Variants in KCNK1 observed in about 807,000 individuals in gnomAD.
The protein encoded by KCNK1 is potassium two pore domain channel subfamily K member 1, also known as potassium channel subfamily K member 1.
Under a neutral mutation model 22.2 loss-of-function variants are expected in KCNK1, and 10 were observed. The observed-to-expected ratio is 0.45, with a 90% CI of 0.28 to 0.76. The LOEUF is 0.76. KCNK1 is among the 30% of genes least tolerant of loss of function. The probability of loss-of-function intolerance (pLI) is 0.14; values close to 1 mark genes in which losing one functional copy is unlikely to be tolerated. For synonymous variants in KCNK1, 200 were observed against 186.4 expected (o/e 1.07, Z -0.60); for missense variants, 378 against 421.0 (o/e 0.90, Z 0.89).
At chr1:233,643,755 G>C (rs1438437243) in intron 1 of KCNK1, among the ~76,000 whole-genome samples, 10 of 152,092 alleles carry the variant, frequency 6.6e-5, no homozygotes, top group Non-Finnish European at 1.5e-4. Context: ...CTCCAGACAG[G>C]GCAGCATTTA....
chr1:233,650,165 A>T (rs569250396), intron 1 of KCNK1: 2 of 404,688 alleles, frequency 4.9e-6, no homozygotes, highest in Admixed American at 5.9e-5. Context: ...ATCTACTGAT[A>T]AGAATGTGAT....
chr1:233,614,936 G>T (rs1044509039), intron 1 of KCNK1, among the ~76,000 whole-genome samples: 1 of 152,304 alleles, frequency 6.6e-6, no homozygotes, highest in African/African-American at 2.4e-5. Context: ...GCCGCCGTGC[G>T]GCAAGGCAGC....
intron 1 of KCNK1, among the ~76,000 whole-genome samples, chr1:233,662,864 G>A (rs575459100): frequency 6.6e-6 from 1 of 152,252 alleles, no homozygotes; most frequent in South Asian, 2.1e-4. Context: ...CAAAAATTAT[G>A]TGATGACTGG....
intron 2 of KCNK1, among the ~76,000 whole-genome samples, chr1:233,670,398 G>T (rs1185877627): frequency 6.6e-6 from 1 of 152,168 alleles, no homozygotes; most frequent in East Asian, 1.9e-4. Context: ...TTTTGATTTA[G>T]TTTAGTGTAT....
At chr1:233,631,472 T>G (rs985994379) in intron 1 of KCNK1, 1 of 360,776 alleles carries the variant, frequency 2.8e-6, no homozygotes, top group Non-Finnish European at 5.6e-6. Flanking sequence ...CCTGGTATCT[T>G]GAAGAATGTG....
In KCNK1 at chr1:233,672,412, A is replaced by T. The variant is rs531418529; in HGVS notation, c.*882A>T. ...ATTTGCAGCCACCTAGCACTAAAGC[A>T]TAGAACTTAAACACGAATCCCTAAA... On this transcript the variant is annotated 3_prime_UTR_variant, in exon 3 of 3. Coordinates refer to ENST00000366621, the MANE Select transcript of KCNK1 (RefSeq NM_002245.4). 2.0e-5 allele frequency: 3 copies of T among 151,902 alleles called. No individual in the cohort carries two copies. The highest frequency in any genetic ancestry group is 7.2e-5 in the African/African-American group (3 of 41,384). The allele number at this position is 151,902 out of a possible 1,614,324, so 9.4% of individuals were successfully genotyped here. A position where few individuals can be genotyped will look rare whatever the true frequency, so the allele number is the denominator to read the frequency against.
At chr1:233,652,160 TGGGATCATG>T (rs1287177232) in intron 1 of KCNK1, among the ~76,000 whole-genome samples, 1 of 152,162 alleles carries the variant, frequency 6.6e-6, no homozygotes, top group East Asian at 1.9e-4. Context: ...CTGAAGGCCA[TGGGATCATG>T]GGGGCTGAGA....
Position 233,666,913 on chromosome 1 carries a change from C to G in KCNK1, c.674C>G (p.Thr225Ser), listed in dbSNP as rs1658500215. The change falls in exon 2 of 3, where the codon ACC becomes AGC. Residue 225 changes from threonine (T) to serine (S), a missense_variant. Thr to Ser is a moderately conservative substitution (Grantham distance 58, BLOSUM62 1). Transcript: ENST00000366621. ...SFYFCFISLS[T>S]IGLGDYVPGE... The stretch of plus-strand genomic sequence containing the variant: ...TATTTTTGTTTTATTTCCCTGAGCA[C>G]CATTGGCCTGGGGGATTATGTGCCT... The G allele has an allele frequency of 2.5e-6, 4 of 1,613,898 alleles. No individual in the cohort carries two copies. The highest frequency in any genetic ancestry group is 2.7e-5 in the African/African-American group (2 of 74,920).
rs1021887089 is a variant in KCNK1, at chr1:233,627,420, GTTAA to G, written c.355+12899_355+12902del. Reference sequence around the variant, plus strand: ...TAAAAACCATGGTTAGATGGATTAAGTTAATTAAAGAACCTGGAGAGGCTGTTCC... The same window carrying G: ...TAAAAACCATGGTTAGATGGATTAAGTTAAAGAACCTGGAGAGGCTGTTCC... On this transcript the variant is annotated intron_variant, in intron 1 of 2. Transcript: ENST00000366621. Among the ~76,000 whole-genome samples the G allele has an allele frequency of 5.1e-4, 78 of 152,304 alleles. No individual in the cohort carries two copies. The Middle Eastern group carries it at 0.01, about 20-fold the overall frequency.
chr1:233,649,454 T>C (rs1658160788), intron 1 of KCNK1, among the ~76,000 whole-genome samples: 2 of 152,224 alleles, frequency 1.3e-5, no homozygotes, highest in Non-Finnish European at 2.9e-5. Flanking sequence ...ACTGGAGATA[T>C]TTTTCCTCTA....
Position 233,672,480 on chromosome 1 carries a change from A to C in KCNK1, c.*950A>C, listed in dbSNP as rs1030061583. On this transcript the variant is annotated 3_prime_UTR_variant, in exon 3 of 3. Transcript: ENST00000366621. ...ATTAATCTGAGAATTTTAAATTTAGAAGCTAAAATAAATAAAAATCACAGC... is the reference window on the plus strand; with the variant it reads ...ATTAATCTGAGAATTTTAAATTTAGCAGCTAAAATAAATAAAAATCACAGC... 2.0e-5 allele frequency: 3 copies of C among 150,958 alleles called. No individual in the cohort carries two copies. The highest frequency in any genetic ancestry group is 4.4e-5 in the Non-Finnish European group (3 of 67,762). The allele number at this position is 150,958 out of a possible 1,614,324, so 9.4% of individuals were successfully genotyped here.
chr1:233,618,160 G>A (rs1327732188), intron 1 of KCNK1, among the ~76,000 whole-genome samples: 1 of 152,176 alleles, frequency 6.6e-6, no homozygotes, highest in East Asian at 1.9e-4. Flanking sequence ...TGATCTTCCT[G>A]CTTCTGCTGT....
intron 1 of KCNK1, among the ~76,000 whole-genome samples, chr1:233,626,860 A>G (rs1224092491): frequency 1.3e-5 from 2 of 152,198 alleles, no homozygotes; most frequent in East Asian, 1.9e-4. Context: ...AGTATTTGAT[A>G]TAATCGTTTA....
intron 1 of KCNK1, among the ~76,000 whole-genome samples, chr1:233,641,101 GT>G (rs1657992183): frequency 6.6e-6 from 1 of 152,184 alleles, no homozygotes; most frequent in Non-Finnish European, 1.5e-5. Flanking sequence ...GAGATGGTAA[GT>G]TTCTTCAGCA....
intron 1 of KCNK1, among the ~76,000 whole-genome samples, chr1:233,635,701 C>T (rs1473384992): frequency 1.3e-5 from 2 of 152,088 alleles, no homozygotes; most frequent in African/African-American, 4.8e-5. Context: ...TTTGGGGGCA[C>T]CTACTGTGTG....
At chr1:233,668,825 A>G (rs1213389446) in intron 2 of KCNK1, among the ~76,000 whole-genome samples, 1 of 152,102 alleles carries the variant, frequency 6.6e-6, no homozygotes, top group Non-Finnish European at 1.5e-5. Flanking sequence ...CAGGCTAGTC[A>G]CGAACTCCTG....
intron 1 of KCNK1, among the ~76,000 whole-genome samples, chr1:233,643,207 C>A (rs1439283039): frequency 6.6e-6 from 1 of 152,050 alleles, no homozygotes; most frequent in Admixed American, 6.5e-5. Flanking sequence ...TTATAGGTGG[C>A]TATGGCACAT....
At chr1:233,638,531 G>A (rs1657949622) in intron 1 of KCNK1, among the ~76,000 whole-genome samples, 1 of 147,762 alleles carries the variant, frequency 6.8e-6, no homozygotes, top group African/African-American at 2.4e-5. Context: ...AGGGTAAACT[G>A]TGCTCTGCAG....
chr1:233,649,308 A>G (rs1658157917), intron 1 of KCNK1, among the ~76,000 whole-genome samples: 1 of 152,212 alleles, frequency 6.6e-6, no homozygotes, highest in Admixed American at 6.5e-5. Context: ...TCTAGACTAG[A>G]AATTCCCTTC....
Sources: allele counts gnomAD v4.1 joint callset (sites outside exome capture counted in the v4.1 genomes callset), GRCh38; gene constraint gnomAD v4.1.1; transcripts MANE v1.5; gene names NCBI Gene and HGNC (gene_info 2026-07-23, HGNC 2026-07-21).